Variants in IQGAP3 observed in about 807,000 individuals in gnomAD.
The protein encoded by IQGAP3 is IQ motif containing GTPase activating protein 3.
IQGAP3 carries 165 observed loss-of-function variants against 208.2 expected under a neutral mutation model. That is an observed-to-expected ratio of 0.79 (90% CI 0.70 to 0.90). IQGAP3 has a LOEUF of 0.90. Ranked by LOEUF, IQGAP3 falls within the 40% of genes least tolerant of loss-of-function variation. The probability of loss-of-function intolerance (pLI) is 0.00; values close to 1 mark genes in which losing one functional copy is unlikely to be tolerated. For missense variants in IQGAP3, 1,811 were observed against 2,043.1 expected, an observed-to-expected ratio of 0.89 and a Z score of 2.19; for synonymous variants, 703 against 803.6, an observed-to-expected ratio of 0.87 and a Z score of 2.12.
intron 16 of IQGAP3, among the ~76,000 whole-genome samples, chr1:156,549,171 C>A (rs1268251667): frequency 6.6e-6 from 1 of 152,052 alleles, no homozygotes; most frequent in Non-Finnish European, 1.5e-5. Flanking sequence ...TAAAAAAATA[C>A]AAAAATTGGC....
At position 156,526,657 on chromosome 1, in the gene IQGAP3, A is replaced by G. The variant is rs544129246; in HGVS notation, c.4783-58T>C. The G allele has an allele frequency of 1.0e-5, 12 of 1,205,484 alleles. No homozygotes were observed. In the African/African-American group the frequency reaches 1.5e-4, roughly 15 times the overall value. 74.7% of individuals were successfully genotyped at this position (1,205,484 alleles called of 1,614,324 possible). A position where few individuals can be genotyped will look rare whatever the true frequency, so the allele number is the denominator to read the frequency against. On this transcript the variant is annotated intron_variant, in intron 37 of 37. Coordinates refer to ENST00000361170, the MANE Select transcript of IQGAP3 (RefSeq NM_178229.5). ...GGGCTTCTGAATGTGGTCCAGTCAG[A>G]TGGTGTACAAAACACTCACATCATG... is the stretch of plus-strand genomic sequence containing the variant.
chr1:156,530,891 G>A (rs1348157340), intron 33 of IQGAP3, among the ~76,000 whole-genome samples: 1 of 152,108 alleles, frequency 6.6e-6, no homozygotes, highest in East Asian at 1.9e-4. Context: ...CGGTCTCTCA[G>A]TGCCCCCCAT....
chr1:156,569,458 G>A lies in IQGAP3; in HGVS notation c.43C>T (p.Arg15Cys), dbSNP rs148871247. The A allele has an allele frequency of 1.7e-5, 27 of 1,602,034 alleles. No individual in the cohort carries two copies. The Admixed American group carries it at 2.9e-4, about 17-fold the overall frequency. Residue 15 changes from arginine (R) to cysteine (C), a missense_variant, in exon 2 of 38, where the codon CGC becomes TGC. Physicochemically the swap from Arg to Cys is radical, Grantham distance 180. Coordinates refer to ENST00000361170, the MANE Select transcript of IQGAP3 (RefSeq NM_178229.5). ...TCATCCATCTCCTCAGCTGTGAGGC[G>A]TTCATCTGAGGAGTTAAACGGGATA... The part of the protein sequence containing the change: ...AAGPGWAAYE[R>C]LTAEEMDEQR...
At chr1:156,551,683 AC>A (rs1675552755) in intron 15 of IQGAP3, 21 bp downstream of exon 15, 2 of 1,596,608 alleles carry the variant, frequency 1.3e-6, no homozygotes, top group African/African-American at 1.3e-5. Context: ...CTGATGACCA[AC>A]CCAACCAGCC....
intron 32 of IQGAP3, 147 bp from the exon 33 acceptor site, chr1:156,531,394 G>A (rs978555748): frequency 1.5e-6 from 1 of 645,468 alleles, no homozygotes; most frequent in East Asian, 2.8e-5. Flanking sequence ...GATAGGGGAT[G>A]TCGTTGCCTG....
In IQGAP3 at chr1:156,534,046, A is replaced by C. The variant is rs774351199; in HGVS notation, c.3836T>G (p.Val1279Gly). Residue 1279 changes from valine (V) to glycine (G), a missense_variant, in exon 30 of 38, where the codon GTG (valine) becomes GGG (glycine). Transcript: ENST00000361170. ...SDMVAVAKPM[V>G]YITVGELVNT... ...GACCAGCTCCCCCACGGTGATGTAC[A>C]CCATGGGTTTGGCCACAGCCACCAT... The C allele has an allele frequency of 1.2e-5, 19 of 1,613,830 alleles. No homozygotes were observed. The African/African-American group carries it at 2.5e-4, about 22-fold the overall frequency.
intron 2 of IQGAP3, among the ~76,000 whole-genome samples, chr1:156,567,113 C>G (rs1184829868): frequency 2.0e-5 from 3 of 152,170 alleles, no homozygotes; most frequent in Non-Finnish European, 4.4e-5. Context: ...GTGATCCGCC[C>G]GCCTTGGCCT....
intron 34 of IQGAP3, 122 bp from the exon 35 acceptor site, chr1:156,529,204 T>C (rs1234479449): frequency 9.2e-7 from 1 of 1,081,786 alleles, no homozygotes; most frequent in African/African-American, 1.6e-5. Flanking sequence ...TTCAAGGCTG[T>C]TTTCCTAGAA....
Position 156,550,310 on chromosome 1 carries a change from G to A in IQGAP3, c.1776C>T (p.Ile592=). 1 of 1,613,988 alleles carries A rather than the reference G, an allele frequency of 6.2e-7. No individual in the cohort carries two copies. Among genetic ancestry groups the A allele is most frequent in the Non-Finnish European group, 8.5e-7 (1 of 1,179,916 alleles). ...DPGAVLWLEE[I]RQGVVRANQD... is the part of the protein sequence containing the mutation. ...GGTTGGCTCTGACCACTCCCTGGCG[G>A]ATCTCCTCAAGCCACAGCACAGCTC... The change falls in exon 16 of 38, where the codon ATC becomes ATT. Residue 592 remains isoleucine (I), a synonymous_variant. Transcript: ENST00000361170.
At chr1:156,544,654 T>G (rs1675146729) in intron 19 of IQGAP3, among the ~76,000 whole-genome samples, 182 bp from the exon 20 acceptor site, 2 of 152,038 alleles carry the variant, frequency 1.3e-5, no homozygotes, top group African/African-American at 4.8e-5. Flanking sequence ...CCAAATGGCT[T>G]CACATAGCCA....
chr1:156,569,096 T>A (rs1364828867), intron 2 of IQGAP3, among the ~76,000 whole-genome samples: 1 of 152,148 alleles, frequency 6.6e-6, no homozygotes, highest in Non-Finnish European at 1.5e-5. Context: ...TGGGTATTGA[T>A]CTTCCAAGGA....
intron 34 of IQGAP3, among the ~76,000 whole-genome samples, chr1:156,529,329 G>A (rs114511144): frequency 0.018 from 2,803 of 152,284 alleles, 79 homozygotes; most frequent in African/African-American, 0.065. Flanking sequence ...AAGTTGCAAG[G>A]ATACTTTTGT....
intron 13 of IQGAP3, among the ~76,000 whole-genome samples, chr1:156,554,017 C>T (rs906689207): frequency 6.6e-6 from 1 of 152,234 alleles, no homozygotes; most frequent in Non-Finnish European, 1.5e-5. Flanking sequence ...CAAACATCTG[C>T]TAGGAAAGAA....
At chr1:156,544,518 T>C (rs1436163854) in intron 19 of IQGAP3, 46 bp from the exon 20 acceptor site, 9 of 1,527,742 alleles carry the variant, frequency 5.9e-6, no homozygotes, top group Non-Finnish European at 8.2e-6. Context: ...AGGTCTCCTT[T>C]GGCCAGAAAG....
intron 32 of IQGAP3, among the ~76,000 whole-genome samples, chr1:156,532,472 C>T (rs1270747841): frequency 1.3e-5 from 2 of 150,542 alleles, no homozygotes; most frequent in Non-Finnish European, 3.0e-5. Flanking sequence ...CACATAACTA[C>T]TGAGTCTTTC....
intron 16 of IQGAP3, among the ~76,000 whole-genome samples, chr1:156,549,188 C>T (rs1021805203): frequency 3.3e-5 from 5 of 152,150 alleles, no homozygotes; most frequent in African/African-American, 4.8e-5. Flanking sequence ...TGGCCAGGCA[C>T]TGTGGCTCAC....
intron 19 of IQGAP3, among the ~76,000 whole-genome samples, chr1:156,544,803 A>G (rs1167888463): frequency 1.3e-5 from 2 of 152,190 alleles, no homozygotes; most frequent in Non-Finnish European, 2.9e-5. Flanking sequence ...ACACCTACTC[A>G]TCAACTTCAC....
At position 156,564,683 on chromosome 1, in the gene IQGAP3, G is replaced by GA; in HGVS notation, c.368dup (p.Glu125ArgfsTer7). The GA allele has an allele frequency of 6.2e-7, 1 of 1,613,372 alleles. No homozygotes were observed. The highest frequency in any genetic ancestry group is 8.5e-7 in the Non-Finnish European group (1 of 1,179,422). ...TGTCATAGATGTCCGTGGTCTCTGGGAAGAAGGTCTAGAGGAGAAACCAGC... is the reference window on the plus strand; with the variant it reads ...TGTCATAGATGTCCGTGGTCTCTGGGAAAGAAGGTCTAGAGGAGAAACCAGC... On this transcript the variant is annotated frameshift_variant, in exon 5 of 38. Transcript: ENST00000361170. LOFTEE classifies it high-confidence loss of function.
Position 156,539,867 on chromosome 1 carries a change from C to A in IQGAP3, c.2863G>T (p.Ala955Ser), listed in dbSNP as rs747140198. ...LSKEKRQKLE[A>S]YQHLFYLLQT... Reference sequence around the variant, plus strand: ...AGCAGGTAGAAGAGGTGTTGGTATGCTTCTAGTTTCTGCCGTTTCTCTTTG... The same window carrying A: ...AGCAGGTAGAAGAGGTGTTGGTATGATTCTAGTTTCTGCCGTTTCTCTTTG... Residue 955 changes from alanine (A) to serine (S), a missense_variant, in exon 24 of 38, where the codon GCA becomes TCA. Physicochemically the swap from Ala to Ser is moderately conservative, Grantham distance 99 (BLOSUM62 1). Transcript: ENST00000361170. The A allele has an allele frequency of 1.9e-6, 3 of 1,614,070 alleles. No individual in the cohort carries two copies. Among genetic ancestry groups the A allele is most frequent in the Admixed American group, 1.7e-5 (1 of 60,006 alleles).
Sources: allele counts gnomAD v4.1 joint callset (sites outside exome capture counted in the v4.1 genomes callset), GRCh38; gene constraint gnomAD v4.1.1; transcripts MANE v1.5; gene names NCBI Gene and HGNC (gene_info 2026-07-23, HGNC 2026-07-21).